Variants in AOPEP observed in about 807,000 individuals in gnomAD.
AOPEP encodes aminopeptidase O.
AOPEP carries 77 observed loss-of-function variants against 98.1 expected under a neutral mutation model. That is an observed-to-expected ratio of 0.78 (90% CI 0.65 to 0.95). The LOEUF is 0.95. AOPEP is among the 40% of genes least tolerant of loss of function. AOPEP has a pLI of 0.00. For missense variants in AOPEP, 1,024 were observed against 1,024.7 expected, an observed-to-expected ratio of 1.00 and a Z score of 0.01; for synonymous variants, 346 against 365.3, an observed-to-expected ratio of 0.95 and a Z score of 0.60.
intron 13 of AOPEP, chr9:95,019,045 AT>A (rs2063242745): frequency 6.6e-6 from 1 of 152,204 alleles, no homozygotes; most frequent in African/African-American, 2.4e-5. Context: ...TTAAAAAAAA[AT>A]CAGGCTTGGT....
In AOPEP at chr9:94,916,086, G is replaced by A. The variant is rs555613455; in HGVS notation, c.1365-7900G>A. 1.3e-5 allele frequency among the ~76,000 whole-genome samples: 2 copies of A among 152,268 alleles called. 1 individual carries two copies. Among genetic ancestry groups the A allele is most frequent in the South Asian group, 4.1e-4 (2 of 4,822 alleles). On this transcript the variant is annotated intron_variant, in intron 5 of 16. Coordinates refer to ENST00000375315, the MANE Select transcript of AOPEP (RefSeq NM_001193329.3). ...GAAAACCACCAGGATGAGCTATTAC[G>A]GCTCTCAGTTGTGCCATTTTATTGC...
chr9:95,126,495 C>T, the AOPEP span: 1 of 1,597,690 alleles, frequency 6.3e-7, no homozygotes, highest in Non-Finnish European at 8.6e-7. Flanking sequence ...ACCTTTTTTA[C>T]ATCAATTACT....
chr9:95,107,463 T>A, the AOPEP span: 1 of 653,962 alleles, frequency 1.5e-6, no homozygotes, highest in Non-Finnish European at 2.7e-6. Flanking sequence ...ATTTCTTGAC[T>A]TTCTTTCGTC....
intron 4 of AOPEP, among the ~76,000 whole-genome samples, chr9:94,796,458 C>G (rs1479942831): frequency 6.6e-6 from 1 of 152,162 alleles, no homozygotes; most frequent in Non-Finnish European, 1.5e-5. Flanking sequence ...TCTGAAGTGC[C>G]AGTCACAGTG....
At position 94,869,971 on chromosome 9, in the gene AOPEP, A is replaced by ATTT. The variant is rs10556167; in HGVS notation, c.1365-53983_1365-53981dup. On this transcript the variant is annotated intron_variant, in intron 5 of 16. Transcript: ENST00000375315. Reference sequence around the variant, plus strand: ...GGAGAGGGAGGAATAGAAGCCATGAATTTTTTTTTTTTTTTTTTTTTTTTT... The same window carrying ATTT: ...GGAGAGGGAGGAATAGAAGCCATGAATTTTTTTTTTTTTTTTTTTTTTTTTTTT... Among the ~76,000 whole-genome samples the ATTT allele has an allele frequency of 2.5e-3, 237 of 93,530 alleles. 3 individuals carry two copies. Among genetic ancestry groups the ATTT allele is most frequent in the African/African-American group, 9.4e-3 (214 of 22,814 alleles). 61.4% of individuals were successfully genotyped at this position (93,530 alleles called of 152,430 possible).
At chr9:94,885,955 A>G (rs1257847371) in intron 5 of AOPEP, among the ~76,000 whole-genome samples, 2 of 152,204 alleles carry the variant, frequency 1.3e-5, no homozygotes, top group Non-Finnish European at 1.5e-5. Flanking sequence ...AGAAGATCGC[A>G]GAGTTCTCTG....
At chr9:95,056,816 A>T (rs2066865712) in intron 13 of AOPEP, among the ~76,000 whole-genome samples, 1 of 152,176 alleles carries the variant, frequency 6.6e-6, no homozygotes, top group African/African-American at 2.4e-5. Context: ...AAAATCCTTA[A>T]CAAGCAGCAT....
rs565423223 is a variant in AOPEP, at chr9:95,086,174, G to A, written c.*5-508G>A. ...GCTCCCACTCGCGGCAGACAGGCCC[G>A]CGTCCACCCTGCGTCCACCCCGGCC... is the stretch of plus-strand genomic sequence containing the variant. On this transcript the variant is annotated intron_variant, in intron 16 of 16. Coordinates refer to ENST00000375315, the MANE Select transcript of AOPEP (RefSeq NM_001193329.3). 3.1e-5 allele frequency: 41 copies of A among 1,325,140 alleles called. No individual in the cohort carries two copies. In the East Asian group the frequency reaches 1.6e-3, roughly 51 times the overall value. The allele number at this position is 1,325,140 out of a possible 1,614,324, so 82.1% of individuals were successfully genotyped here.
intron 1 of AOPEP, among the ~76,000 whole-genome samples, chr9:94,737,143 TC>T (rs139804393): frequency 4.0e-4 from 61 of 150,666 alleles, no homozygotes; most frequent in Admixed American, 4.0e-4. Context: ...TCTTTTTTTT[TC>T]TGTTAGACAG....
At chr9:94,736,960 A>G (rs1176235704) in intron 1 of AOPEP, among the ~76,000 whole-genome samples, 2 of 152,164 alleles carry the variant, frequency 1.3e-5, no homozygotes, top group African/African-American at 2.4e-5. Context: ...TAAAGAGACT[A>G]CTCAGGCAAT....
At chr9:94,835,188 A>G (rs2041433442) in intron 5 of AOPEP, among the ~76,000 whole-genome samples, 1 of 152,154 alleles carries the variant, frequency 6.6e-6, no homozygotes, top group Admixed American at 6.5e-5. Context: ...AGTGCATTTC[A>G]TTGTGCGTAA....
chr9:94,905,673 A>G (rs570070385), intron 5 of AOPEP, among the ~76,000 whole-genome samples: 1 of 152,302 alleles, frequency 6.6e-6, no homozygotes, highest in Non-Finnish European at 1.5e-5. Context: ...AAAATCTGTT[A>G]TAAAGTATGC....
chr9:94,961,373 T>A (rs1285585839), intron 9 of AOPEP, among the ~76,000 whole-genome samples: 2 of 152,246 alleles, frequency 1.3e-5, no homozygotes, highest in Admixed American at 1.3e-4. Flanking sequence ...TTCATTGTAT[T>A]TTTGAATTCG....
intron 7 of AOPEP, among the ~76,000 whole-genome samples, chr9:94,936,092 T>C (rs2137261811): frequency 6.6e-6 from 1 of 152,338 alleles, no homozygotes; most frequent in African/African-American, 2.4e-5. Context: ...CACCACTTGC[T>C]TGTAGCAGTC....
intron 16 of AOPEP, among the ~76,000 whole-genome samples, chr9:95,083,212 G>A (rs1461830643): frequency 1.3e-5 from 2 of 152,126 alleles, no homozygotes; most frequent in African/African-American, 4.8e-5. Context: ...GGCTGTCCAC[G>A]CCTGGTCATC....
intron 5 of AOPEP, among the ~76,000 whole-genome samples, chr9:94,850,193 C>G (rs1441320384): frequency 6.6e-6 from 1 of 152,112 alleles, no homozygotes; most frequent in Admixed American, 6.5e-5. Flanking sequence ...AGAAGTATTT[C>G]TAATTGTAAA....
chr9:95,125,776 C>T, the AOPEP span, among the ~76,000 whole-genome samples: 6 of 152,190 alleles, frequency 3.9e-5, no homozygotes, highest in Admixed American at 2.0e-4. Flanking sequence ...TGCAGTCTGC[C>T]CTGCAGCCTC....
rs535540093 is a variant in AOPEP at position 94,949,545 on chromosome 9, C to T, written c.1662-5632C>T. On this transcript the variant is annotated intron_variant, in intron 7 of 16. Transcript: ENST00000375315. ...TTTTCAACACCAGAGGAATATCTTT[C>T]TGTGTCTGCTGCAGGCTGATGGTCC... Among the ~76,000 whole-genome samples the T allele has an allele frequency of 7.5e-4, 114 of 152,306 alleles. 1 individual carries two copies. Among genetic ancestry groups the T allele is most frequent in the African/African-American group, 2.6e-3 (110 of 41,564 alleles).
chr9:94,956,757 G>T (rs1200760573), intron 9 of AOPEP, among the ~76,000 whole-genome samples: 1 of 152,210 alleles, frequency 6.6e-6, no homozygotes, highest in Non-Finnish European at 1.5e-5. Context: ...GAAAATAGGT[G>T]ATGCATCCTT....
Sources: allele counts gnomAD v4.1 joint callset (sites outside exome capture counted in the v4.1 genomes callset), GRCh38; gene constraint gnomAD v4.1.1; transcripts MANE v1.5; gene names NCBI Gene and HGNC (gene_info 2026-07-23, HGNC 2026-07-21).